The following XRCC3 variants were observed in gnomAD, a reference collection of about 807,000 sequenced individuals.
The protein encoded by XRCC3 is X-ray repair cross complementing 3.
Under a neutral mutation model 29.2 loss-of-function variants are expected in XRCC3, and 34 were observed. The ratio of observed to expected loss-of-function variants is 1.16; its 90% CI spans 0.88 to 1.55. XRCC3 has a LOEUF of 1.55. XRCC3 is among the 40% of genes most tolerant of loss of function. The probability of loss-of-function intolerance (pLI) is 0.00; values close to 1 mark genes in which losing one functional copy is unlikely to be tolerated. For missense variants in XRCC3, 463 were observed against 467.6 expected (o/e 0.99, Z 0.09); for synonymous variants, 223 against 211.3 (o/e 1.06, Z -0.48).
At chr14:103,712,238 G>A (rs1351706912) in intron 2 of XRCC3, 1 of 169,080 alleles carries the variant, frequency 5.9e-6, no homozygotes, top group African/African-American at 2.4e-5. Flanking sequence ...GGCCCCCACA[G>A]CCTGTGGGTT....
intron 7 of XRCC3, chr14:103,700,553 C>T: frequency 2.1e-6 from 2 of 956,644 alleles, no homozygotes; most frequent in South Asian, 1.4e-5. Context: ...TCCCTCAAGT[C>T]CAAGGTCTGC....
chr14:103,703,348 ATGTGCC>A (rs1333733696), intron 6 of XRCC3, 21 bp from the exon 7 acceptor site: 4 of 1,541,980 alleles, frequency 2.6e-6, no homozygotes, highest in Non-Finnish European at 3.5e-6. Flanking sequence ...AGAGTGCCTG[ATGTGCC>A]CAGGGGACTC....
intron 4 of XRCC3, chr14:103,709,037 A>G: frequency 2.8e-6 from 1 of 354,726 alleles, no homozygotes; most frequent in South Asian, 2.2e-5. Context: ...AGAAGGGGGC[A>G]GGAAAAAACC....
intron 7 of XRCC3, chr14:103,700,173 G>C: frequency 4.9e-6 from 1 of 203,434 alleles, no homozygotes; most frequent in Non-Finnish European, 1.0e-5. Context: ...TCAGGATGGG[G>C]CTGTAGGTTG....
intron 7 of XRCC3, chr14:103,701,118 C>T (rs1490707256): frequency 1.3e-6 from 2 of 1,510,950 alleles, no homozygotes; most frequent in Non-Finnish European, 1.8e-6. Flanking sequence ...TGGGGGTTCC[C>T]CAGAGAGCTG....
At chr14:103,700,727 C>T (rs375637912) in intron 7 of XRCC3, 25 of 1,593,670 alleles carry the variant, frequency 1.6e-5, no homozygotes, top group Middle Eastern at 1.7e-4. Context: ...CCACCGCTAA[C>T]GTGAGTCCCA....
chr14:103,714,510 G>A (rs1277180069), intron 1 of XRCC3, among the ~76,000 whole-genome samples: 4 of 151,340 alleles, frequency 2.6e-5, no homozygotes, highest in African/African-American at 9.7e-5. Flanking sequence ...GTGTAGTGGC[G>A]CTTGCGGTCC....
intron 6 of XRCC3, 39 bp from the exon 7 acceptor site, chr14:103,703,366 A>G (rs2151931978): frequency 6.5e-7 from 1 of 1,534,420 alleles, no homozygotes; most frequent in Non-Finnish European, 8.7e-7. Context: ...AGGGGACTCC[A>G]GACGGGCCTG....
At chr14:103,706,359 G>A (rs984185463) in intron 6 of XRCC3, 5 of 455,942 alleles carry the variant, frequency 1.1e-5, no homozygotes, top group East Asian at 6.9e-5. Context: ...TGCCACCGAT[G>A]AAAAAATACT....
In XRCC3 at chr14:103,706,090, C is replaced by T. The variant is rs370417051; in HGVS notation, c.406+913G>A. The T allele has an allele frequency of 9.0e-4, 309 of 341,688 alleles. 2 individuals carry two copies. The highest frequency in any genetic ancestry group is 5.4e-3 in the African/African-American group (251 of 46,428). 21.2% of individuals were successfully genotyped at this position (341,688 alleles called of 1,614,324 possible). A position where few individuals can be genotyped will look rare whatever the true frequency, so the allele number is the denominator to read the frequency against. On this transcript the variant is annotated intron_variant, in intron 6 of 9. Coordinates refer to ENST00000555055, the MANE Select transcript of XRCC3 (RefSeq NM_005432.4). Reference sequence around the variant, plus strand: ...GGCGTGAGCAGACCCCAGCTGGGCTCTCAGGAGACCCCTCACCCTCCACCC... The same window carrying T: ...GGCGTGAGCAGACCCCAGCTGGGCTTTCAGGAGACCCCTCACCCTCCACCC...
At chr14:103,706,895 T>C in intron 6 of XRCC3, 108 bp downstream of exon 6, 1 of 1,238,786 alleles carries the variant, frequency 8.1e-7, no homozygotes, top group African/African-American at 1.5e-5. Context: ...GACGCAATGG[T>C]AGGAACAGCG....
In XRCC3 at chr14:103,703,160, C is replaced by T. The variant is rs2151930670; in HGVS notation, c.561+13G>A. On this transcript the variant is annotated intron_variant, in intron 7 of 9. Transcript: ENST00000555055. ...TTGCCTTGGGGGTGTCATGGGGCTT[C>T]TCCCACACTCACCACATCGGCCACG... The T allele has an allele frequency of 6.4e-7, 1 of 1,564,112 alleles. No individual in the cohort carries two copies. Among genetic ancestry groups the T allele is most frequent in the Non-Finnish European group, 8.7e-7 (1 of 1,154,902 alleles).
At chr14:103,713,698 A>T (rs1358164937) in intron 1 of XRCC3, 3 of 152,312 alleles carry the variant, frequency 2.0e-5, no homozygotes, top group Non-Finnish European at 4.4e-5. Flanking sequence ...CCTGCTGTGT[A>T]GCTTTGAAGT....
intron 4 of XRCC3, chr14:103,709,328 T>C (rs1179997558): frequency 1.2e-5 from 2 of 163,170 alleles, no homozygotes; most frequent in African/African-American, 4.8e-5. Context: ...ATTTCAAACT[T>C]GTAGAAAGAC....
chr14:103,710,763 C>A, intron 4 of XRCC3: 1 of 443,474 alleles, frequency 2.3e-6, no homozygotes, highest in South Asian at 2.5e-5. Context: ...AACTAAAAGA[C>A]TTTATGTGGC....
chr14:103,701,263 ACAGCCAGG>A (rs1353353387), intron 7 of XRCC3: 1 of 1,533,240 alleles, frequency 6.5e-7, no homozygotes, highest in Non-Finnish European at 8.8e-7. Flanking sequence ...CTGGCCCGGG[ACAGCCAGG>A]GCGGCAGGGA....
chr14:103,708,386 T>G (rs2151940046), intron 5 of XRCC3, 136 bp downstream of exon 5: 2 of 1,324,186 alleles, frequency 1.5e-6, no homozygotes, highest in East Asian at 4.9e-5. Flanking sequence ...AGATGGGAAC[T>G]CTGGGGCTGG....
chr14:103,700,471 G>A (rs2083078277), intron 7 of XRCC3: 1 of 537,128 alleles, frequency 1.9e-6, no homozygotes, highest in Non-Finnish European at 3.3e-6. Context: ...GCACCAAGCA[G>A]TGTAGTTCAG....
Position 103,699,017 on chromosome 14 carries a change from C to T in XRCC3, c.822G>A (p.Gly274=). ...EEQGAAHGPL[G]FWDERVSPAL... ...CTGGGGAAACACGTTCGTCCCAGAA[C>T]CTGAGAAACAGGAAGCAGGCAAGCT... Residue 274 remains glycine, a splice_region_variant and synonymous_variant, in exon 10 of 10, where the codon GGG becomes GGA. Transcript: ENST00000555055. The T allele has an allele frequency of 6.3e-7, 1 of 1,584,048 alleles. No homozygotes were observed. The highest frequency in any genetic ancestry group is 8.6e-7 in the Non-Finnish European group (1 of 1,164,922).
Sources: gnomAD v4.1 joint callset for allele counts (sites outside exome capture counted in the v4.1 genomes callset) on GRCh38, gnomAD v4.1.1 for gene constraint, MANE v1.5 for transcripts, NCBI Gene and HGNC (gene_info 2026-07-23, HGNC 2026-07-21) for gene names.